PEBP4: variants seen among roughly 807,000 people sequenced by gnomAD.
The protein encoded by PEBP4 is phosphatidylethanolamine binding protein 4.
PEBP4 carries 22 observed loss-of-function variants against 23.9 expected under a neutral mutation model. The ratio of observed to expected loss-of-function variants is 0.92; its 90% confidence interval spans 0.66 to 1.31. The LOEUF (loss-of-function observed/expected upper bound fraction) is 1.31, where lower values mean the gene tolerates loss of function less well. Among genes scored for constraint, PEBP4 ranks in the 40% most tolerant of loss-of-function variants. The pLI is 0.00. For missense variants in PEBP4, 324 were observed against 281.7 expected (o/e 1.15, Z -1.07); for synonymous variants, 112 against 99.3 (o/e 1.13, Z -0.76).
At chr8:22,833,938 G>A (rs1412427855) in intron 3 of PEBP4, among the ~76,000 whole-genome samples, 1 of 152,190 alleles carries the variant, frequency 6.6e-6, no homozygotes, top group Non-Finnish European at 1.5e-5. Context: ...TTCCCCTGAA[G>A]TCCGTAGCCA....
chr8:22,918,133 C>G (rs1159367398), intron 3 of PEBP4, among the ~76,000 whole-genome samples: 1 of 152,166 alleles, frequency 6.6e-6, no homozygotes, highest in East Asian at 1.9e-4. Context: ...AATGAAAGGT[C>G]CGAGTAGTGC....
At chr8:22,818,761 T>C (rs2128762064) in intron 3 of PEBP4, among the ~76,000 whole-genome samples, 1 of 152,234 alleles carries the variant, frequency 6.6e-6, no homozygotes, top group African/African-American at 2.4e-5. Context: ...GGAAGGATGT[T>C]GGTATCTTGG....
chr8:22,713,294 A>G lies in PEBP4; in HGVS notation c.*76T>C. ...TTATTTGGAAAAGAAGGGGTTCTGT[A>G]TCCAGAGGGGGTTCCATACCCACAT... On this transcript the variant is annotated 3_prime_UTR_variant, in exon 7 of 7. Coordinates refer to ENST00000256404, the MANE Select transcript of PEBP4 (RefSeq NM_144962.3). 1.3e-6 allele frequency: 2 copies of G among 1,496,832 alleles called. No homozygotes were observed. Among genetic ancestry groups the G allele is most frequent in the Non-Finnish European group, 1.8e-6 (2 of 1,124,672 alleles). The allele number at this position is 1,496,832 out of a possible 1,614,324, so 92.7% of individuals were successfully genotyped here.
At chr8:22,829,296 C>A (rs1032597583) in intron 3 of PEBP4, among the ~76,000 whole-genome samples, 3 of 152,134 alleles carry the variant, frequency 2.0e-5, no homozygotes, top group African/African-American at 7.2e-5. Context: ...TTTTGGCTAC[C>A]AGCTTCATTA....
intron 4 of PEBP4, among the ~76,000 whole-genome samples, chr8:22,774,554 G>A (rs889726541): frequency 6.6e-6 from 1 of 152,186 alleles, no homozygotes; most frequent in Non-Finnish European, 1.5e-5. Context: ...AGGGAAGGAG[G>A]CCCCGCAGGG....
chr8:22,793,619 A>G (rs1159748398), intron 4 of PEBP4, among the ~76,000 whole-genome samples: 1 of 152,050 alleles, frequency 6.6e-6, no homozygotes, highest in Non-Finnish European at 1.5e-5. Context: ...TTATTTGCCA[A>G]CTGTGTCTTG....
intron 4 of PEBP4, among the ~76,000 whole-genome samples, chr8:22,773,507 G>T (rs1165853690): frequency 6.6e-6 from 1 of 152,128 alleles, no homozygotes; most frequent in Non-Finnish European, 1.5e-5. Flanking sequence ...GGCTCCTGGG[G>T]TCTCTTCCTG....
chr8:22,759,543 G>C (rs1247347741), intron 4 of PEBP4, among the ~76,000 whole-genome samples: 2 of 152,074 alleles, frequency 1.3e-5, no homozygotes, highest in Non-Finnish European at 2.9e-5. Context: ...TCAGGGCTGC[G>C]GGGCTGCAGC....
At chr8:22,896,879 C>G (rs1808599157) in intron 3 of PEBP4, among the ~76,000 whole-genome samples, 1 of 150,816 alleles carries the variant, frequency 6.6e-6, no homozygotes, top group Non-Finnish European at 1.5e-5. Context: ...CTCTTCATCT[C>G]TAATATATAT....
At chr8:22,877,232 A>C (rs1046148192) in intron 3 of PEBP4, among the ~76,000 whole-genome samples, 15 of 152,094 alleles carry the variant, frequency 9.9e-5, no homozygotes, top group Non-Finnish European at 1.9e-4. Context: ...CTTTTTGTCC[A>C]GTCTCTCCCT....
intron 4 of PEBP4, among the ~76,000 whole-genome samples, chr8:22,750,162 T>A (rs1342827218): frequency 1.3e-5 from 2 of 150,420 alleles, no homozygotes; most frequent in Non-Finnish European, 3.0e-5. Flanking sequence ...AGTGCAGTGG[T>A]GTGATCTTGG....
At chr8:22,829,339 T>G (rs1371916056) in intron 3 of PEBP4, among the ~76,000 whole-genome samples, 1 of 152,162 alleles carries the variant, frequency 6.6e-6, no homozygotes, top group Admixed American at 6.6e-5. Flanking sequence ...ATTTCTCTGG[T>G]CAACTTGCCC....
intron 3 of PEBP4, among the ~76,000 whole-genome samples, chr8:22,827,441 T>G (rs1806995296): frequency 6.6e-6 from 1 of 152,202 alleles, no homozygotes; most frequent in African/African-American, 2.4e-5. Context: ...TTTCTGTCTC[T>G]GTAATCTCCT....
intron 4 of PEBP4, among the ~76,000 whole-genome samples, chr8:22,781,090 A>G (rs1351538953): frequency 6.6e-6 from 1 of 152,270 alleles, no homozygotes; most frequent in East Asian, 1.9e-4. Flanking sequence ...TGATTGTGGG[A>G]TGGCAAATGA....
At chr8:22,723,071 G>A (rs924787789) in intron 6 of PEBP4, among the ~76,000 whole-genome samples, 1 of 151,898 alleles carries the variant, frequency 6.6e-6, no homozygotes, top group Non-Finnish European at 1.5e-5. Context: ...GTGAGCCACC[G>A]CGCCCAGCCT....
At chr8:22,914,840 T>G (rs1809036362) in intron 3 of PEBP4, among the ~76,000 whole-genome samples, 2 of 152,118 alleles carry the variant, frequency 1.3e-5, no homozygotes, top group South Asian at 2.1e-4. Flanking sequence ...AAAAACCCAG[T>G]GCTTCTCTGT....
intron 3 of PEBP4, chr8:22,896,303 T>C (rs1202772257): frequency 6.6e-6 from 1 of 152,264 alleles, no homozygotes; most frequent in East Asian, 1.9e-4. Flanking sequence ...TTGCTCCCGC[T>C]GACCTATCAA....
chr8:22,733,288 C>T (rs1804778186), intron 4 of PEBP4, among the ~76,000 whole-genome samples: 1 of 152,226 alleles, frequency 6.6e-6, no homozygotes, highest in Admixed American at 6.5e-5. Context: ...CGCCCTGGCC[C>T]AGTGCCCAGC....
intron 4 of PEBP4, 85 bp downstream of exon 4, chr8:22,817,552 T>C: frequency 2.3e-6 from 3 of 1,289,222 alleles, no homozygotes; most frequent in Non-Finnish European, 3.4e-6. Flanking sequence ...CCAACCTTCC[T>C]GGATGAGAGG....
Sources: allele counts gnomAD v4.1 joint callset (sites outside exome capture counted in the v4.1 genomes callset), GRCh38; gene constraint gnomAD v4.1.1; transcripts MANE v1.5; gene names NCBI Gene and HGNC (gene_info 2026-07-23, HGNC 2026-07-21).